Variants in TTC28 observed in about 807,000 individuals in gnomAD.
TTC28 encodes the protein tetratricopeptide repeat domain 28.
Under a neutral mutation model 198.0 loss-of-function variants are expected in TTC28, and 61 were observed. That is an observed-to-expected ratio of 0.31 (90% CI 0.25 to 0.38). TTC28 has a LOEUF of 0.38. TTC28 is among the 10% of genes least tolerant of loss of function. TTC28 has a pLI of 1.00. For synonymous variants in TTC28, 1,171 were observed against 1,297.8 expected (o/e 0.90, Z 2.10); for missense variants, 2,678 against 3,164.0 (o/e 0.85, Z 3.69).
chr22:28,298,620 CA>C (rs1569246233), intron 3 of TTC28, among the ~76,000 whole-genome samples: 1 of 151,982 alleles, frequency 6.6e-6, no homozygotes, highest in Non-Finnish European at 1.5e-5. Context: ...GGCTAATTTT[CA>C]AAAAATTTTT....
At chr22:28,188,526 C>T (rs1021610186) in intron 5 of TTC28, among the ~76,000 whole-genome samples, 1 of 152,108 alleles carries the variant, frequency 6.6e-6, no homozygotes, top group Non-Finnish European at 1.5e-5. Flanking sequence ...AAAAAGGACC[C>T]TAAGTCTGCT....
intron 12 of TTC28, among the ~76,000 whole-genome samples, chr22:28,064,053 T>C (rs1940657970): frequency 6.6e-6 from 1 of 152,204 alleles, no homozygotes; most frequent in Admixed American, 6.5e-5. Context: ...GTGTCCTTTT[T>C]TTAACCCCAT....
intron 2 of TTC28, among the ~76,000 whole-genome samples, chr22:28,319,059 C>T (rs1462084126): frequency 2.6e-5 from 4 of 152,046 alleles, no homozygotes; most frequent in Non-Finnish European, 4.4e-5. Context: ...AACGCCTGGA[C>T]TTAAGCGATC....
At chr22:28,428,846 T>C (rs891764235) in intron 2 of TTC28, among the ~76,000 whole-genome samples, 6 of 151,836 alleles carry the variant, frequency 4.0e-5, no homozygotes, top group East Asian at 1.9e-4. Context: ...TCCACCATGA[T>C]AGCCAGGATG....
chr22:28,483,127 G>T (rs918958824), intron 2 of TTC28, among the ~76,000 whole-genome samples: 1 of 152,124 alleles, frequency 6.6e-6, no homozygotes, highest in Non-Finnish European at 1.5e-5. Context: ...AGGAATGGCC[G>T]AGCTGTTTTC....
intron 3 of TTC28, among the ~76,000 whole-genome samples, chr22:28,300,181 C>T (rs2044990743): frequency 6.6e-6 from 1 of 152,120 alleles, no homozygotes; most frequent in African/African-American, 2.4e-5. Context: ...GGATGGGGTC[C>T]CAGCTGCTAG....
intron 2 of TTC28, among the ~76,000 whole-genome samples, chr22:28,580,002 A>G (rs914074289): frequency 6.6e-6 from 1 of 151,924 alleles, no homozygotes; most frequent in Non-Finnish European, 1.5e-5. Flanking sequence ...ACACACACAC[A>G]TACACACACA....
At chr22:28,588,445 G>A (rs1407250081) in intron 2 of TTC28, among the ~76,000 whole-genome samples, 1 of 152,144 alleles carries the variant, frequency 6.6e-6, no homozygotes, top group Non-Finnish European at 1.5e-5. Flanking sequence ...ACCATCAGAG[G>A]GCTGAGGTTG....
rs376119087 is a variant in TTC28, at chr22:28,011,936, A to G, written c.4218+2312T>C. 6.6e-5 allele frequency among the ~76,000 whole-genome samples: 10 copies of G among 152,300 alleles called. No homozygotes were observed. The East Asian group carries it at 1.9e-3, about 29-fold the overall frequency. ...AACACCAATGCAACATTAATGGAAC[A>G]AGTAATCTGGGGACCTGAATGCAAA... On this transcript the variant is annotated intron_variant, in intron 14 of 22. Transcript: ENST00000397906.
chr22:28,647,867 A>T lies in TTC28; in HGVS notation c.103-18037T>A, dbSNP rs548290892. 3.8e-4 allele frequency among the ~76,000 whole-genome samples: 57 copies of T among 151,772 alleles called. No individual in the cohort carries two copies. The East Asian group carries it at 5.3e-3, about 14-fold the overall frequency. ...AATAAAATAAAATAAAATAAAAATT[A>T]AAAAAGTGGGCAATAGACATTTCTC... On this transcript the variant is annotated intron_variant, in intron 1 of 22. Transcript: ENST00000397906.
intron 2 of TTC28, among the ~76,000 whole-genome samples, chr22:28,532,990 C>G (rs918550360): frequency 1.3e-5 from 2 of 152,192 alleles, no homozygotes; most frequent in African/African-American, 4.8e-5. Context: ...CTTTTGAAAA[C>G]TGGCACAAGA....
intron 5 of TTC28, among the ~76,000 whole-genome samples, chr22:28,204,798 T>C (rs1926259748): frequency 6.6e-6 from 1 of 152,190 alleles, no homozygotes; most frequent in Non-Finnish European, 1.5e-5. Context: ...TACTCATAAA[T>C]GTTAGACACT....
intron 21 of TTC28, among the ~76,000 whole-genome samples, chr22:27,989,259 CAGAG>C (rs901367958): frequency 6.6e-6 from 1 of 152,238 alleles, no homozygotes; most frequent in Non-Finnish European, 1.5e-5. Context: ...CATGGTCTCT[CAGAG>C]GTGGTTTCAA....
At chr22:28,539,849 T>C (rs1330738309) in intron 2 of TTC28, among the ~76,000 whole-genome samples, 1 of 150,660 alleles carries the variant, frequency 6.6e-6, no homozygotes, top group Non-Finnish European at 1.5e-5. Flanking sequence ...AGGTAATTTA[T>C]AATAAAAGAA....
At chr22:28,308,533 C>T (rs2045189384) in intron 2 of TTC28, among the ~76,000 whole-genome samples, 1 of 152,092 alleles carries the variant, frequency 6.6e-6, no homozygotes, top group South Asian at 2.1e-4. Flanking sequence ...ACATTACTTA[C>T]TTGAGAGGGC....
chr22:28,361,393 G>A (rs1369627773), intron 2 of TTC28, among the ~76,000 whole-genome samples: 1 of 152,104 alleles, frequency 6.6e-6, no homozygotes, highest in Non-Finnish European at 1.5e-5. Flanking sequence ...GATCTGGATA[G>A]AGATCAAACC....
intron 9 of TTC28, 99 bp downstream of exon 9, chr22:28,101,072 A>G: frequency 1.2e-6 from 1 of 824,482 alleles, no homozygotes; most frequent in Non-Finnish European, 1.9e-6. Context: ...GGTAGAAGTC[A>G]GTGCCTCTTG....
Position 28,004,814 on chromosome 22 carries a change from C to T in TTC28, c.4219-3261G>A, listed in dbSNP as rs113967651. Among the ~76,000 whole-genome samples the T allele has an allele frequency of 5.0e-3, 756 of 152,282 alleles. 6 individuals are homozygous for T. Among genetic ancestry groups the T allele is most frequent in the African/African-American group, 0.017 (703 of 41,546 alleles). On this transcript the variant is annotated intron_variant, in intron 14 of 22. Coordinates refer to ENST00000397906, the MANE Select transcript of TTC28 (RefSeq NM_001145418.2). ...CACTGAAAGATTAGTTATAATCCAA[C>T]GTGAACTTGAAAAGGGGAAAGCAAG...
intron 20 of TTC28, 124 bp downstream of exon 20, chr22:27,990,665 G>A (rs1225561058): frequency 6.6e-6 from 6 of 910,438 alleles, no homozygotes; most frequent in South Asian, 3.6e-5. Context: ...CGGGGGCGCC[G>A]CAGCCCGTGT....
Sources: gnomAD v4.1 joint callset for allele counts (sites outside exome capture counted in the v4.1 genomes callset) on GRCh38, gnomAD v4.1.1 for gene constraint, MANE v1.5 for transcripts, NCBI Gene and HGNC (gene_info 2026-07-23, HGNC 2026-07-21) for gene names.